SCOC: variants seen among roughly 807,000 people sequenced by gnomAD.
SCOC encodes short coiled coil protein.
Under a neutral mutation model 9.9 loss-of-function variants are expected in SCOC, and 7 were observed. The observed-to-expected ratio is 0.71, with a 90% CI of 0.40 to 1.33. The LOEUF (loss-of-function observed/expected upper bound fraction) is 1.33, where lower values mean the gene tolerates loss of function less well. Among genes scored for constraint, SCOC ranks in the 40% most tolerant of loss-of-function variants. The probability of loss-of-function intolerance (pLI) is 0.01; values close to 1 mark genes in which losing one functional copy is unlikely to be tolerated. For synonymous variants in SCOC, 19 were observed against 28.2 expected, an observed-to-expected ratio of 0.67 and a Z score of 1.03; for missense variants, 66 against 89.7, an observed-to-expected ratio of 0.74 and a Z score of 1.07.
chr4:140,316,223 T>C (rs1204729200), intron 1 of SCOC, among the ~76,000 whole-genome samples: 2 of 152,186 alleles, frequency 1.3e-5, no homozygotes. Context: ...ACATTTTCAT[T>C]CAGATGCTTA....
At chr4:140,272,269 G>A (rs1413686538) in intron 1 of SCOC, among the ~76,000 whole-genome samples, 6 of 151,180 alleles carry the variant, frequency 4.0e-5, no homozygotes, top group Admixed American at 4.0e-4. Context: ...TGCCTAGGGT[G>A]GTCCCAAACT....
At chr4:140,325,938 T>C (rs1306933922) in intron 1 of SCOC, among the ~76,000 whole-genome samples, 1 of 152,190 alleles carries the variant, frequency 6.6e-6, no homozygotes, top group Non-Finnish European at 1.5e-5. Context: ...GCAATGTCCT[T>C]CAGTAGGTAA....
At chr4:140,303,845 ACTTTAG>A (rs1200490756) in intron 1 of SCOC, among the ~76,000 whole-genome samples, 3 of 152,204 alleles carry the variant, frequency 2.0e-5, no homozygotes, top group Non-Finnish European at 4.4e-5. Flanking sequence ...TCTGTTGCAC[ACTTTAG>A]GGATATAGAT....
chr4:140,321,835 C>G (rs766786108), intron 1 of SCOC, among the ~76,000 whole-genome samples: 1 of 152,172 alleles, frequency 6.6e-6, no homozygotes, highest in Non-Finnish European at 1.5e-5. Context: ...ATGTATCCCC[C>G]TCAGATTCAT....
chr4:140,303,694 A>G (rs1271360214), intron 1 of SCOC, among the ~76,000 whole-genome samples: 1 of 152,212 alleles, frequency 6.6e-6, no homozygotes. Context: ...CTATGGGAAC[A>G]ATACTGGGAA....
At chr4:140,354,507 A>G (rs1193722999) in intron 2 of SCOC, among the ~76,000 whole-genome samples, 1 of 143,758 alleles carries the variant, frequency 7.0e-6, no homozygotes, top group Non-Finnish European at 1.5e-5. Context: ...TTTCTCAAAG[A>G]ACTTTTTTTT....
chr4:140,258,416 C>T (rs139631272), intron 1 of SCOC, among the ~76,000 whole-genome samples: 60 of 152,300 alleles, frequency 3.9e-4, no homozygotes, highest in East Asian at 3.5e-3. Flanking sequence ...TTCCTATCTC[C>T]GTCAAACACT....
chr4:140,321,809 C>T (rs1653662407), intron 1 of SCOC, among the ~76,000 whole-genome samples: 1 of 152,166 alleles, frequency 6.6e-6, no homozygotes, highest in South Asian at 2.1e-4. Context: ...TACTGACAGA[C>T]ATTCTTATGT....
chr4:140,368,830 A>C (rs1322369525), upstream of SCOC, among the ~76,000 whole-genome samples: 1 of 152,206 alleles, frequency 6.6e-6, no homozygotes, highest in Non-Finnish European at 1.5e-5. Flanking sequence ...TTAACCTTTT[A>C]TCTGTAGCTA....
chr4:140,375,888 A>T (rs576100092), intron 1 of SCOC, among the ~76,000 whole-genome samples: 1 of 152,308 alleles, frequency 6.6e-6, no homozygotes, highest in East Asian at 1.9e-4. Context: ...GTGGTTTAGG[A>T]TAGGCAGAGC....
intron 2 of SCOC, chr4:140,343,729 T>A: frequency 6.4e-7 from 1 of 1,551,056 alleles, no homozygotes; most frequent in Non-Finnish European, 8.9e-7. Flanking sequence ...AATGGATAAC[T>A]TCTCAAACAT....
chr4:140,362,314 T>TCCTC, intron 2 of SCOC, among the ~76,000 whole-genome samples: 1 of 9,736 alleles, frequency 1.0e-4, no homozygotes, highest in Non-Finnish European at 2.4e-4. Flanking sequence ...TTTTTTTTTT[T>TCCTC]TGTGAGAGTC....
intron 1 of SCOC, among the ~76,000 whole-genome samples, chr4:140,260,947 A>T (rs1327965960): frequency 6.6e-6 from 1 of 152,228 alleles, no homozygotes; most frequent in East Asian, 1.9e-4. Context: ...GCATTTCCTT[A>T]CATACATATT....
At chr4:140,270,850 T>C (rs1730828666) in intron 1 of SCOC, among the ~76,000 whole-genome samples, 1 of 152,194 alleles carries the variant, frequency 6.6e-6, no homozygotes. Flanking sequence ...AAAGACCTGC[T>C]TGATACAGAT....
intron 1 of SCOC, among the ~76,000 whole-genome samples, chr4:140,263,610 A>G (rs1730676393): frequency 6.6e-6 from 1 of 152,138 alleles, no homozygotes. Flanking sequence ...AGGTGAGGAG[A>G]GGTGAGAGAG....
rs1728577258 is a variant in SCOC, at chr4:140,381,657, G to A, written c.*553G>A. ...TTAACCAAAATAAGATACTGTCTCA[G>A]CTAGGGCTTGTCATTTGTGTATTTA... On this transcript the variant is annotated 3_prime_UTR_variant, in exon 4 of 4. Coordinates refer to ENST00000608372, the MANE Select transcript of SCOC (RefSeq NM_001153484.2). 1 of 152,184 alleles carries A rather than the reference G, an allele frequency of 6.6e-6. No homozygotes were observed. Among genetic ancestry groups the A allele is most frequent in the Non-Finnish European group, 1.5e-5 (1 of 68,042 alleles). The allele number at this position is 152,184 out of a possible 1,614,324, so 9.4% of individuals were successfully genotyped here.
upstream of SCOC, among the ~76,000 whole-genome samples, chr4:140,371,510 T>A (rs1445121887): frequency 6.6e-6 from 1 of 152,218 alleles, no homozygotes; most frequent in Non-Finnish European, 1.5e-5. Flanking sequence ...CACCATAACT[T>A]GTGTTTTCTA....
chr4:140,286,536 CA>C (rs1731274223), intron 1 of SCOC, among the ~76,000 whole-genome samples: 2 of 152,218 alleles, frequency 1.3e-5, no homozygotes, highest in African/African-American at 4.8e-5. Flanking sequence ...GGCGATGTAA[CA>C]CGGAATTAGA....
chr4:140,311,968 T>C (rs372554218), intron 1 of SCOC, among the ~76,000 whole-genome samples: 126 of 152,326 alleles, frequency 8.3e-4, no homozygotes, highest in African/African-American at 3.0e-3. Context: ...ATGCCGTACT[T>C]TAAAAATAAT....
Sources: gnomAD v4.1 joint callset for allele counts (sites outside exome capture counted in the v4.1 genomes callset) on GRCh38, gnomAD v4.1.1 for gene constraint, MANE v1.5 for transcripts, NCBI Gene and HGNC (gene_info 2026-07-23, HGNC 2026-07-21) for gene names.